PAX5: variants seen among roughly 807,000 people sequenced by gnomAD.
PAX5 encodes the protein paired box protein Pax-5.
PAX5 carries 9 observed loss-of-function variants against 43.7 expected under a neutral mutation model. That is an observed-to-expected ratio of 0.21 (90% CI 0.12 to 0.36). The LOEUF is 0.36. PAX5 is among the 10% of genes least tolerant of loss of function. The probability of loss-of-function intolerance (pLI) is 1.00; values close to 1 mark genes in which losing one functional copy is unlikely to be tolerated. For missense variants in PAX5, 383 were observed against 532.7 expected (o/e 0.72, Z 2.77); for synonymous variants, 228 against 214.3 (o/e 1.06, Z -0.56).
At chr9:36,861,957 G>T (rs1256714642) in intron 8 of PAX5, among the ~76,000 whole-genome samples, 1 of 152,186 alleles carries the variant, frequency 6.6e-6, no homozygotes, top group Non-Finnish European at 1.5e-5. Flanking sequence ...TTCCCACTGA[G>T]TGGACACCTC....
At chr9:37,016,016 A>G (rs1564079886) in intron 2 of PAX5, among the ~76,000 whole-genome samples, 1 of 152,268 alleles carries the variant, frequency 6.6e-6, no homozygotes, top group Non-Finnish European at 1.5e-5. Flanking sequence ...TCTAAAGCAC[A>G]TAAATTGCTT....
chr9:36,981,895 C>T (rs190732985), intron 5 of PAX5, among the ~76,000 whole-genome samples: 3 of 152,254 alleles, frequency 2.0e-5, no homozygotes, highest in Admixed American at 1.3e-4. Context: ...AGAGTGCTGT[C>T]TGCACAGTGA....
At chr9:36,982,999 G>T (rs114848404) in intron 5 of PAX5, among the ~76,000 whole-genome samples, 1,613 of 152,168 alleles carry the variant, frequency 0.011, 23 homozygotes, top group African/African-American at 0.037. Flanking sequence ...AATGGATGGG[G>T]CCAGGGATGC....
At chr9:36,955,870 C>G (rs994151734) in intron 6 of PAX5, among the ~76,000 whole-genome samples, 1 of 151,240 alleles carries the variant, frequency 6.6e-6, no homozygotes, top group Admixed American at 6.6e-5. Context: ...AATAGGAGAG[C>G]CTACAATAGC....
At chr9:36,897,469 T>A (rs1187446068) in intron 7 of PAX5, among the ~76,000 whole-genome samples, 1 of 151,828 alleles carries the variant, frequency 6.6e-6, no homozygotes, top group Admixed American at 6.6e-5. Context: ...GGAAGATTCA[T>A]CTGAATAAAG....
intron 5 of PAX5, among the ~76,000 whole-genome samples, chr9:36,976,084 G>C (rs1835403041): frequency 6.6e-6 from 1 of 152,200 alleles, no homozygotes; most frequent in Non-Finnish European, 1.5e-5. Context: ...GGAGGAAAAA[G>C]TGAAACAACT....
At chr9:36,974,817 A>G (rs1318121714) in intron 5 of PAX5, among the ~76,000 whole-genome samples, 2 of 152,096 alleles carry the variant, frequency 1.3e-5, no homozygotes, top group Admixed American at 1.3e-4. Context: ...CCCGGGGACA[A>G]AGCCTGAGCC....
intron 9 of PAX5, 99 bp downstream of exon 9, chr9:36,846,744 G>A: frequency 1.3e-6 from 1 of 787,706 alleles, no homozygotes; most frequent in Non-Finnish European, 2.1e-6. Context: ...CCACCTCAGT[G>A]ACCAGACCTC....
chr9:36,955,546 T>G (rs1264985441), intron 6 of PAX5, among the ~76,000 whole-genome samples: 1 of 151,950 alleles, frequency 6.6e-6, no homozygotes, highest in Non-Finnish European at 1.5e-5. Context: ...CTTCCAGGTT[T>G]CTAGTTTTTT....
In PAX5 at chr9:36,918,050, C is replaced by G. The variant is rs144841684; in HGVS notation, c.910+5305G>C. On this transcript the variant is annotated intron_variant, in intron 7 of 9. Coordinates refer to ENST00000358127, the MANE Select transcript of PAX5 (RefSeq NM_016734.3). ...GCTGTTCCCTCATCTCTCTTCTTCT[C>G]CTAGGGCCTCCCTATTCCCTGAGAG... 1.9e-4 allele frequency among the ~76,000 whole-genome samples: 29 copies of G among 152,332 alleles called. No homozygotes were observed. In the East Asian group the frequency reaches 5.0e-3, roughly 26 times the overall value.
At chr9:37,029,649 C>T (rs1840774874) in intron 1 of PAX5, among the ~76,000 whole-genome samples, 1 of 152,216 alleles carries the variant, frequency 6.6e-6, no homozygotes, top group Non-Finnish European at 1.5e-5. Flanking sequence ...TTCAGATCCT[C>T]GGCCCAGACT....
At chr9:36,881,467 A>C (rs549538994) in intron 8 of PAX5, among the ~76,000 whole-genome samples, 20 of 152,190 alleles carry the variant, frequency 1.3e-4, no homozygotes, top group African/African-American at 4.8e-4. Flanking sequence ...TAAACTGACA[A>C]TCACCGGCCT....
chr9:36,879,626 C>T (rs142173963), intron 8 of PAX5, among the ~76,000 whole-genome samples: 1 of 152,320 alleles, frequency 6.6e-6, no homozygotes, highest in East Asian at 1.9e-4. Context: ...GCAAGCTGCA[C>T]AGCCCCCCGG....
intron 7 of PAX5, among the ~76,000 whole-genome samples, chr9:36,889,201 C>T (rs1040815644): frequency 2.0e-5 from 3 of 152,154 alleles, no homozygotes; most frequent in East Asian, 3.8e-4. Flanking sequence ...CAAGCCAGGC[C>T]CTGGCCAGGC....
chr9:36,912,717 C>T (rs542961934), intron 7 of PAX5, among the ~76,000 whole-genome samples: 6 of 152,278 alleles, frequency 3.9e-5, no homozygotes, highest in East Asian at 3.9e-4. Flanking sequence ...ATGGTCAGAA[C>T]GTCTGCTCTG....
chr9:36,946,027 A>G (rs1832471601), intron 6 of PAX5, among the ~76,000 whole-genome samples: 1 of 152,220 alleles, frequency 6.6e-6, no homozygotes, highest in Admixed American at 6.5e-5. Context: ...CCCCTAAAGG[A>G]ACAGCACGCA....
chr9:37,012,024 AG>A (rs764002087), intron 3 of PAX5, among the ~76,000 whole-genome samples: 18 of 152,142 alleles, frequency 1.2e-4, no homozygotes, highest in Non-Finnish European at 2.1e-4. Flanking sequence ...TTTAGGGGTG[AG>A]GAAGGCAGCC....
chr9:36,880,603 C>T (rs1054201830), intron 8 of PAX5, among the ~76,000 whole-genome samples: 2 of 152,208 alleles, frequency 1.3e-5, no homozygotes, highest in African/African-American at 4.8e-5. Flanking sequence ...CGCTCTGTCG[C>T]CCAGGCTGGA....
chr9:36,857,230 A>T (rs1291700992), intron 8 of PAX5, among the ~76,000 whole-genome samples: 1 of 152,212 alleles, frequency 6.6e-6, no homozygotes, highest in East Asian at 1.9e-4. Context: ...CCAAGTTTCT[A>T]AAGTTCTTCA....
Sources: allele counts gnomAD v4.1 joint callset (sites outside exome capture counted in the v4.1 genomes callset), GRCh38; gene constraint gnomAD v4.1.1; transcripts MANE v1.5; gene names NCBI Gene and HGNC (gene_info 2026-07-23, HGNC 2026-07-21).